ROS1: variants seen among roughly 807,000 people sequenced by gnomAD.
ROS1 encodes the protein proto-oncogene tyrosine-protein kinase ROS.
In ROS1, 263 loss-of-function variants were observed where a neutral mutation model predicts 273.5. The observed-to-expected ratio is 0.96, with a 90% CI of 0.87 to 1.06. The LOEUF is 1.06. Ranked by LOEUF, ROS1 falls within the 50% of genes least tolerant of loss-of-function variation. ROS1 has a pLI of 0.00. For synonymous variants in ROS1, 1,008 were observed against 954.1 expected (o/e 1.06, Z -1.04); for missense variants, 2,833 against 2,751.1 (o/e 1.03, Z -0.67).
intron 42 of ROS1, among the ~76,000 whole-genome samples, chr6:117,307,915 T>C (rs896762851): frequency 2.6e-5 from 4 of 152,178 alleles, no homozygotes; most frequent in Non-Finnish European, 4.4e-5. Flanking sequence ...TTATTACATG[T>C]TGGCTTGGCA....
At chr6:117,385,188 T>C (rs2038497) in intron 16 of ROS1, among the ~76,000 whole-genome samples, 86,366 of 152,066 alleles carry the variant, frequency 0.57, 25,152 homozygotes, top group African/African-American at 0.69. Context: ...TTTATTTAAA[T>C]TATTATTGGG....
At position 117,301,012 on chromosome 6, in the gene ROS1, T is replaced by A. The variant is rs1774677457; in HGVS notation, c.6677A>T (p.Glu2226Val). The A allele has an allele frequency of 6.3e-7, 1 of 1,590,628 alleles. No homozygotes were observed. Among genetic ancestry groups the A allele is most frequent in the Non-Finnish European group, 8.5e-7 (1 of 1,171,270 alleles). ...FLNSIYKSRDEANNSGVINES... is the reference protein window; with the variant it reads ...FLNSIYKSRDVANNSGVINES... Reference sequence around the variant, plus strand: ...ATTTATGACTCCACTGTTGTTTGCTTCATCTCTGGACTTATAAATGCTATT... The same window carrying A: ...ATTTATGACTCCACTGTTGTTTGCTACATCTCTGGACTTATAAATGCTATT... Residue 2226 changes from glutamate to valine, a missense_variant, in exon 43 of 44, where the codon GAA (glutamate) becomes GTA (valine). Coordinates refer to ENST00000368507, the MANE Select transcript of ROS1 (RefSeq NM_001378902.1).
At chr6:117,361,885 C>G (rs1779829877) in intron 22 of ROS1, among the ~76,000 whole-genome samples, 1 of 151,984 alleles carries the variant, frequency 6.6e-6, no homozygotes, top group Non-Finnish European at 1.5e-5. Context: ...CTGATACTCT[C>G]AACGACTTAA....
At position 117,342,430 on chromosome 6, in the gene ROS1, T is replaced by C. The variant is rs1033731821; in HGVS notation, c.4621A>G (p.Lys1541Glu). 13 of 1,612,048 alleles carry C rather than the reference T, an allele frequency of 8.1e-6. No individual in the cohort carries two copies. The highest frequency in any genetic ancestry group is 2.7e-5 in the African/African-American group (2 of 74,838). ...SDPLEHLPPGKEIWGKTKNGV... is the reference protein window; with the variant it reads ...SDPLEHLPPGEEIWGKTKNGV... ...TTTTTAGTTTTTCCCCAAATCTCTT[T>C]TCCTGGTGGTAAATGTTCCAAAGGA... The change falls in exon 29 of 44, where the codon AAA (lysine) becomes GAA (glutamate). Residue 1541 changes from lysine to glutamate, a missense_variant. Physicochemically the swap from Lys to Glu is moderately conservative, Grantham distance 56. Coordinates refer to ENST00000368507, the MANE Select transcript of ROS1 (RefSeq NM_001378902.1).
At chr6:117,404,096 G>A (rs538987601) in intron 6 of ROS1, among the ~76,000 whole-genome samples, 184 bp downstream of exon 6, 2 of 152,296 alleles carry the variant, frequency 1.3e-5, no homozygotes, top group East Asian at 3.9e-4. Context: ...TTAGCCGGGC[G>A]CGATGGCGGG....
At chr6:117,386,066 G>A (rs78480266) in intron 15 of ROS1, among the ~76,000 whole-genome samples, 1,897 of 152,316 alleles carry the variant, frequency 0.012, 23 homozygotes, top group Non-Finnish European at 0.021. Context: ...GATACACATC[G>A]AGCATCTCCT....
chr6:117,409,008 G>T (rs1774665303), intron 5 of ROS1, among the ~76,000 whole-genome samples: 1 of 140,536 alleles, frequency 7.1e-6, no homozygotes, highest in African/African-American at 2.6e-5. Flanking sequence ...GGTGGTAATT[G>T]AACAATGAGA....
intron 32 of ROS1, among the ~76,000 whole-genome samples, chr6:117,336,832 G>T (rs1225997643): frequency 2.0e-5 from 3 of 152,036 alleles, no homozygotes; most frequent in African/African-American, 7.2e-5. Flanking sequence ...TTTCATCCTA[G>T]TATCTCAAAT....
chr6:117,367,874 G>C (rs1780398636), intron 18 of ROS1, among the ~76,000 whole-genome samples: 1 of 151,992 alleles, frequency 6.6e-6, no homozygotes, highest in Non-Finnish European at 1.5e-5. Flanking sequence ...TGAACAGCCA[G>C]GCATAACAAG....
At chr6:117,318,098 C>T (rs972215948) in intron 38 of ROS1, 90 bp downstream of exon 38, 7 of 893,318 alleles carry the variant, frequency 7.8e-6, no homozygotes, top group East Asian at 7.7e-5. Flanking sequence ...AGTCATGATC[C>T]GTTAAGTCAT....
At chr6:117,400,305 A>G (rs937765929) in intron 7 of ROS1, among the ~76,000 whole-genome samples, 4 of 152,176 alleles carry the variant, frequency 2.6e-5, no homozygotes, top group African/African-American at 9.7e-5. Flanking sequence ...TACGTTTTCT[A>G]TGTGTTTAAT....
In ROS1 at chr6:117,356,643, A is replaced by G. The variant is rs769929206; in HGVS notation, c.4112T>C (p.Val1371Ala). 15 of 1,612,848 alleles carry G rather than the reference A, an allele frequency of 9.3e-6. No individual in the cohort carries two copies. In the East Asian group the frequency reaches 3.1e-4, roughly 34 times the overall value. Residue 1371 changes from valine to alanine, a missense_variant, in exon 26 of 44, where the codon GTA becomes GCA. By Grantham distance (64) the Val-to-Ala change is moderately conservative. Transcript: ENST00000368507. Reference sequence around the variant, plus strand: ...CAGCATCTTACCGAGCATAGCAGGTACTGTGATAACTCTCCAACACTGACA... The same window carrying G: ...CAGCATCTTACCGAGCATAGCAGGTGCTGTGATAACTCTCCAACACTGACA... ...EGCQCWRVIT[V>A]PAMLGKTLVS...
chr6:117,363,582 A>G (rs3777970), intron 21 of ROS1, among the ~76,000 whole-genome samples: 24,448 of 151,910 alleles, frequency 0.16, 2,155 homozygotes, highest in South Asian at 0.29. Context: ...AATGTTTAAC[A>G]CTCATACTAT....
rs1238762897 is a variant in ROS1, at chr6:117,337,198, G to A, written c.5204C>T (p.Ser1735Leu). 4 of 1,612,396 alleles carry A rather than the reference G, an allele frequency of 2.5e-6. No individual in the cohort carries two copies. The highest frequency in any genetic ancestry group is 8.5e-7 in the Non-Finnish European group (1 of 1,178,962). ...VVYKTGENST[S>L]LPESFKTKAG... Reference sequence around the variant, plus strand: ...TTTTGTCTTAAAGCTTTCTGGAAGTGAGGTGCTATTTTCTCCCGTCTTATA... The same window carrying A: ...TTTTGTCTTAAAGCTTTCTGGAAGTAAGGTGCTATTTTCTCCCGTCTTATA... The change falls in exon 32 of 44, where the codon TCA becomes TTA. Residue 1735 changes from serine to leucine, a missense_variant. Physicochemically the swap from Ser to Leu is moderately radical, Grantham distance 145. Coordinates refer to ENST00000368507, the MANE Select transcript of ROS1 (RefSeq NM_001378902.1).
intron 4 of ROS1, among the ~76,000 whole-genome samples, chr6:117,411,600 T>G (rs1471358513): frequency 6.6e-6 from 1 of 152,146 alleles, no homozygotes; most frequent in Non-Finnish European, 1.5e-5. Context: ...ATTGTCCCTC[T>G]GGCTCCACCC....
intron 34 of ROS1, among the ~76,000 whole-genome samples, chr6:117,325,455 G>A (rs1341938546): frequency 1.3e-5 from 2 of 152,122 alleles, no homozygotes; most frequent in Admixed American, 1.3e-4. Context: ...AACCACAATT[G>A]GAGGATAAAT....
chr6:117,306,128 T>C (rs1775083455), intron 42 of ROS1, among the ~76,000 whole-genome samples: 1 of 151,792 alleles, frequency 6.6e-6, no homozygotes, highest in African/African-American at 2.4e-5. Context: ...ACAAAGCAAT[T>C]GAACTTCAAT....
intron 38 of ROS1, 111 bp from the exon 39 acceptor site, chr6:117,317,383 G>A (rs9282837): frequency 0.016 from 20,188 of 1,254,350 alleles, 209 homozygotes; most frequent in South Asian, 0.025. Flanking sequence ...CAAAACCCCT[G>A]ACTTAGTGTC....
At chr6:117,304,236 A>G (rs529030450) in intron 42 of ROS1, among the ~76,000 whole-genome samples, 1 of 152,358 alleles carries the variant, frequency 6.6e-6, no homozygotes, top group Non-Finnish European at 1.5e-5. Context: ...TGATACAAAG[A>G]TGTCAATGAA....
Sources: gnomAD v4.1 joint callset for allele counts (sites outside exome capture counted in the v4.1 genomes callset) on GRCh38, gnomAD v4.1.1 for gene constraint, MANE v1.5 for transcripts, NCBI Gene and HGNC (gene_info 2026-07-23, HGNC 2026-07-21) for gene names.